The following DNAH5 variants were observed in gnomAD, a reference collection of about 807,000 sequenced individuals.
The protein encoded by DNAH5 is axonemal beta dynein heavy chain 5.
A neutral mutation model predicts 518.2 loss-of-function variants in DNAH5; 372 were observed. The ratio of observed to expected loss-of-function variants is 0.72; its 90% CI spans 0.66 to 0.78. The LOEUF is 0.78. Among genes scored for constraint, DNAH5 ranks in the 30% least tolerant of loss-of-function variants. The probability of loss-of-function intolerance (pLI) is 0.00; values close to 1 mark genes in which losing one functional copy is unlikely to be tolerated. For missense variants in DNAH5, 5,523 were observed against 5,687.0 expected, an observed-to-expected ratio of 0.97 and a Z score of 0.93; for synonymous variants, 2,039 against 2,025.9, an observed-to-expected ratio of 1.01 and a Z score of -0.17.
rs370997649 is a variant in DNAH5, at chr5:13,894,758, C to A, written c.2323G>T (p.Val775Phe). The A allele has an allele frequency of 3.1e-6, 5 of 1,614,016 alleles. No homozygotes were observed. The highest frequency in any genetic ancestry group is 4.2e-6 in the Non-Finnish European group (5 of 1,179,974). ...KIPAAIEQLI[V>F]PHLAKVDEAL... ...TCATCCACTTTGGCCAAGTGAGGGACAATCAATTGCTCAATGGCAGCAGGT... is the reference window on the plus strand; with the variant it reads ...TCATCCACTTTGGCCAAGTGAGGGAAAATCAATTGCTCAATGGCAGCAGGT... The change falls in exon 16 of 79, where the codon GTC becomes TTC. Residue 775 changes from valine (V) to phenylalanine (F), a missense_variant. Val to Phe is a conservative substitution (Grantham distance 50). This residue lies in a region of DNAH5 where 5,121 missense variants were observed against 5,223.3 expected (regional missense o/e 0.98). Coordinates refer to ENST00000265104, the MANE Select transcript of DNAH5 (RefSeq NM_001369.3).
At chr5:13,836,565 AAGAC>A (rs1229223753) in intron 35 of DNAH5, among the ~76,000 whole-genome samples, 1 of 152,206 alleles carries the variant, frequency 6.6e-6, no homozygotes, top group African/African-American at 2.4e-5. Flanking sequence ...TTGCTCAAGA[AAGAC>A]GAGATCCAGG....
At chr5:13,698,685 T>G (rs1370998233) in intron 78 of DNAH5, among the ~76,000 whole-genome samples, 1 of 152,104 alleles carries the variant, frequency 6.6e-6, no homozygotes, top group Non-Finnish European at 1.5e-5. Context: ...TGGGGGCCAT[T>G]TTAAATAGGA....
chr5:14,006,351 C>T (rs1437964098), intron 1 of DNAH5, among the ~76,000 whole-genome samples: 1 of 152,152 alleles, frequency 6.6e-6, no homozygotes, highest in African/African-American at 2.4e-5. Context: ...GCTCAGGATG[C>T]CGTCACCAAA....
In DNAH5 at chr5:13,972,170, G is replaced by A. The variant is rs550925758; in HGVS notation, c.12+39478C>T. On this transcript the variant is annotated intron_variant, in intron 1 of 78. Transcript: ENST00000681290. The stretch of plus-strand genomic sequence containing the variant: ...CGAAAGCTAGTCTCACTCCTACCGT[G>A]GGCCCCCAACAGCAGCAAGTTTATT... Among the ~76,000 whole-genome samples, 85 of 152,240 alleles carry A rather than the reference G, an allele frequency of 5.6e-4. 1 individual carries two copies. Among genetic ancestry groups the A allele is most frequent in the African/African-American group, 2.0e-3 (84 of 41,542 alleles).
chr5:13,723,386 G>T (rs554109969), intron 70 of DNAH5, among the ~76,000 whole-genome samples: 1 of 152,252 alleles, frequency 6.6e-6, no homozygotes, highest in Non-Finnish European at 1.5e-5. Flanking sequence ...CACATGTTCC[G>T]CCATCACTGC....
intron 23 of DNAH5, 100 bp from the exon 24 acceptor site, chr5:13,871,102 A>T: frequency 1.2e-6 from 1 of 840,102 alleles, no homozygotes; most frequent in East Asian, 2.6e-5. Flanking sequence ...TTTATAGCTT[A>T]TTGCCCTCTA....
intron 31 of DNAH5, among the ~76,000 whole-genome samples, chr5:13,847,988 C>T (rs975719435): frequency 6.6e-6 from 1 of 152,180 alleles, no homozygotes; most frequent in Admixed American, 6.5e-5. Flanking sequence ...ACCCTTTTCT[C>T]GTTCTCTCTG....
intron 1 of DNAH5, among the ~76,000 whole-genome samples, chr5:13,942,731 C>T (rs10061495): frequency 0.02 from 3,040 of 152,140 alleles, 101 homozygotes; most frequent in African/African-American, 0.07. Flanking sequence ...CCATTGATGT[C>T]TCCTCTAAGC....
chr5:13,736,967 G>T (rs1047714546), intron 66 of DNAH5, among the ~76,000 whole-genome samples: 4 of 152,134 alleles, frequency 2.6e-5, no homozygotes, highest in African/African-American at 9.7e-5. Flanking sequence ...GTAGTCATCA[G>T]ATTTTTTAAA....
intron 1 of DNAH5, among the ~76,000 whole-genome samples, chr5:14,010,110 G>T (rs1012509539): frequency 1.3e-5 from 2 of 151,876 alleles, no homozygotes; most frequent in Non-Finnish European, 2.9e-5. Flanking sequence ...GGAACCTATT[G>T]CTTCAATGAT....
chr5:13,808,405 T>C (rs188458987), intron 46 of DNAH5, among the ~76,000 whole-genome samples: 35 of 152,176 alleles, frequency 2.3e-4, no homozygotes, highest in Non-Finnish European at 4.3e-4. Context: ...GAAACTGCTG[T>C]TGTTTAGGCC....
chr5:13,940,679 G>A (rs1295522147), intron 1 of DNAH5, among the ~76,000 whole-genome samples: 1 of 152,126 alleles, frequency 6.6e-6, no homozygotes, highest in Non-Finnish European at 1.5e-5. Flanking sequence ...CTGTTCTCAA[G>A]GAAGTCATTT....
chr5:13,779,455 A>G (rs1192407060), intron 53 of DNAH5, among the ~76,000 whole-genome samples: 3 of 152,180 alleles, frequency 2.0e-5, no homozygotes, highest in African/African-American at 7.2e-5. Flanking sequence ...GCCTCCCTCA[A>G]TGAGACAGGT....
intron 55 of DNAH5, among the ~76,000 whole-genome samples, chr5:13,772,288 A>G: frequency 6.6e-6 from 1 of 152,218 alleles, no homozygotes; most frequent in Non-Finnish European, 1.5e-5. Context: ...TTATCATGTA[A>G]TGATTTTCTT....
intron 1 of DNAH5, among the ~76,000 whole-genome samples, chr5:13,984,251 G>GT (rs1453902518): frequency 2.0e-5 from 3 of 152,336 alleles, no homozygotes; most frequent in Admixed American, 2.0e-4. Context: ...CACATCCCTT[G>GT]TAAGTTGGAC....
At chr5:13,875,033 A>T (rs573567352) in intron 22 of DNAH5, among the ~76,000 whole-genome samples, 31 of 152,318 alleles carry the variant, frequency 2.0e-4, no homozygotes, top group African/African-American at 5.8e-4. Flanking sequence ...GTGTACATAT[A>T]TTCTCCCAGA....
chr5:13,974,384 C>A (rs1271224313), intron 1 of DNAH5, among the ~76,000 whole-genome samples: 1 of 152,134 alleles, frequency 6.6e-6, no homozygotes, highest in African/African-American at 2.4e-5. Context: ...CTTGGCCTCC[C>A]AAAATGCTGG....
intron 65 of DNAH5, among the ~76,000 whole-genome samples, chr5:13,745,992 A>T (rs764469979): frequency 6.6e-6 from 1 of 152,158 alleles, no homozygotes; most frequent in Non-Finnish European, 1.5e-5. Context: ...TTTAAAAAAG[A>T]TTGAATCTTA....
intron 17 of DNAH5, among the ~76,000 whole-genome samples, chr5:13,889,107 G>A (rs983123179): frequency 6.6e-6 from 1 of 152,050 alleles, no homozygotes; most frequent in Non-Finnish European, 1.5e-5. Flanking sequence ...AGCTTAAAAT[G>A]CATTAATATT....
Sources: gnomAD v4.1 joint callset for allele counts (sites outside exome capture counted in the v4.1 genomes callset) on GRCh38, gnomAD v4.1.1 for gene constraint, gnomAD v4.1.1 regional missense constraint, MANE v1.5 for transcripts, NCBI Gene and HGNC (gene_info 2026-07-23, HGNC 2026-07-21) for gene names.